The following INPP4A variants were observed in gnomAD, a reference collection of about 807,000 sequenced individuals.
INPP4A encodes inositol polyphosphate-4-phosphatase, type I, 107kD.
A neutral mutation model predicts 119.8 loss-of-function variants in INPP4A; 33 were observed. The observed-to-expected ratio is 0.28, with a 90% confidence interval of 0.21 to 0.37. The LOEUF (loss-of-function observed/expected upper bound fraction) is 0.37. INPP4A is among the 10% of genes least tolerant of loss of function. The pLI, the probability that INPP4A is intolerant of heterozygous loss-of-function variation, is 1.00. For synonymous variants in INPP4A, 496 were observed against 500.7 expected (o/e 0.99, Z 0.12); for missense variants, 956 against 1,289.9 (o/e 0.74, Z 3.97).
At chr2:98,555,941 C>T (rs528238074) in intron 16 of INPP4A, 133 bp downstream of exon 16, 31 of 1,077,974 alleles carry the variant, frequency 2.9e-5, no homozygotes, top group African/African-American at 1.7e-4. Flanking sequence ...GGAGCGGGGG[C>T]GTCCCAGTGC....
intron 1 of INPP4A, among the ~76,000 whole-genome samples, chr2:98,492,218 A>C (rs565865849): frequency 6.6e-6 from 1 of 152,246 alleles, no homozygotes; most frequent in East Asian, 1.9e-4. Flanking sequence ...TGGTCTTATG[A>C]TAGGTTTTTT....
chr2:98,537,924 T>C lies in INPP4A; in HGVS notation c.529T>C (p.Ser177Pro). The change falls in exon 8 of 25, where the codon TCA becomes CCA. Residue 177 changes from serine to proline, a missense_variant. Ser to Pro is a moderately conservative substitution (Grantham distance 74, BLOSUM62 -1). This residue lies in a region of INPP4A where 652 missense variants were observed against 797.9 expected (regional missense o/e 0.82). Coordinates refer to ENST00000409851, the MANE Select transcript of INPP4A (RefSeq NM_001134225.2). ...GATTGGCTGGCAGATGGAGGAGAAG[T>C]CAGACCAACGGCCCCCTGTGACCCG... is the stretch of plus-strand genomic sequence containing the variant. ...TVIGWQMEEK[S>P]DQRPPVTRSV... The C allele has an allele frequency of 6.2e-7, 1 of 1,613,172 alleles. No homozygotes were observed. The highest frequency in any genetic ancestry group is 2.2e-5 in the East Asian group (1 of 44,852).
intron 1 of INPP4A, among the ~76,000 whole-genome samples, chr2:98,497,344 T>A (rs971497049): frequency 6.6e-6 from 1 of 152,186 alleles, no homozygotes; most frequent in Non-Finnish European, 1.5e-5. Context: ...AAGGGAAATG[T>A]GGGGTGGGAG....
chr2:98,537,632 C>G (rs906470012), intron 7 of INPP4A, among the ~76,000 whole-genome samples: 1 of 152,174 alleles, frequency 6.6e-6, no homozygotes, highest in South Asian at 2.1e-4. Flanking sequence ...GTCCACACTT[C>G]CCTGTGGTGC....
intron 1 of INPP4A, among the ~76,000 whole-genome samples, chr2:98,459,925 A>G (rs1246092384): frequency 1.3e-5 from 2 of 152,250 alleles, no homozygotes; most frequent in Admixed American, 1.3e-4. Flanking sequence ...CTGCTGCCCC[A>G]GTAAGTTCTC....
chr2:98,552,881 T>A lies in INPP4A; in HGVS notation c.1259T>A (p.Val420Glu). ...CAGATCAACACCCTGAAAACCCAAG[T>A]GAGTTACTACGCAGAGCGGCTGTCA... ...IAQINTLKTQ[V>E]SYYAERLSRA... The change falls in exon 14 of 25, where the codon GTG becomes GAG. Residue 420 changes from valine (V) to glutamate (E), a missense_variant. Coordinates refer to ENST00000409851, the MANE Select transcript of INPP4A (RefSeq NM_001134225.2). The A allele has an allele frequency of 6.2e-7, 1 of 1,613,692 alleles. No homozygotes were observed. The highest frequency in any genetic ancestry group is 8.5e-7 in the Non-Finnish European group (1 of 1,179,788).
chr2:98,593,493 C>T lies in INPP4A; in HGVS notation c.*5885C>T, dbSNP rs898089901. 3 of 152,290 alleles carry T rather than the reference C, an allele frequency of 2.0e-5. No homozygotes were observed. Among genetic ancestry groups the T allele is most frequent in the African/African-American group, 7.2e-5 (3 of 41,446 alleles). 9.4% of individuals were successfully genotyped at this position (152,290 alleles called of 1,614,324 possible). On this transcript the variant is annotated 3_prime_UTR_variant, in exon 25 of 25. Transcript: ENST00000409851. ...GGTTCCCTTTCTCACTTAAGATGAT[C>T]TTCCTGAAAAATCTTACACATTCCT...
At chr2:98,450,101 A>G (rs1694959813) in intron 1 of INPP4A, among the ~76,000 whole-genome samples, 1 of 150,884 alleles carries the variant, frequency 6.6e-6, no homozygotes, top group Non-Finnish European at 1.5e-5. Flanking sequence ...TGCTTTTTTA[A>G]TTTTTTTTTA....
At chr2:98,584,330 A>G (rs1016996244) in intron 24 of INPP4A, among the ~76,000 whole-genome samples, 3 of 152,232 alleles carry the variant, frequency 2.0e-5, no homozygotes, top group East Asian at 1.9e-4. Context: ...CGTGGTTCCA[A>G]TGCCTGTAGT....
chr2:98,537,564 C>T (rs1690560652), intron 7 of INPP4A, among the ~76,000 whole-genome samples: 1 of 152,222 alleles, frequency 6.6e-6, no homozygotes, highest in African/African-American at 2.4e-5. Flanking sequence ...GCACTGGCAG[C>T]AGCTCAGGAA....
intron 1 of INPP4A, among the ~76,000 whole-genome samples, chr2:98,507,031 C>T (rs1038307650): frequency 2.0e-5 from 3 of 152,214 alleles, no homozygotes; most frequent in Non-Finnish European, 4.4e-5. Context: ...GTAGCCACAT[C>T]CCCCTCCTCT....
At chr2:98,456,541 G>A in intron 1 of INPP4A, among the ~76,000 whole-genome samples, 1 of 151,996 alleles carries the variant, frequency 6.6e-6, no homozygotes, top group East Asian at 1.9e-4. Flanking sequence ...GTCTTGTTGT[G>A]TTGCTCAGGC....
At chr2:98,448,105 C>A (rs1229683834) in intron 1 of INPP4A, among the ~76,000 whole-genome samples, 1 of 149,980 alleles carries the variant, frequency 6.7e-6, no homozygotes, top group African/African-American at 2.5e-5. Flanking sequence ...CCTATAATCC[C>A]AGCAATTTGG....
chr2:98,571,440 G>A (rs562969885), intron 22 of INPP4A, among the ~76,000 whole-genome samples: 1 of 152,382 alleles, frequency 6.6e-6, no homozygotes, highest in East Asian at 1.9e-4. Flanking sequence ...AGGAGTGGGA[G>A]TGGTGAGCGG....
intron 4 of INPP4A, among the ~76,000 whole-genome samples, chr2:98,529,550 C>T (rs566686353): frequency 1.3e-5 from 2 of 152,144 alleles, no homozygotes; most frequent in Admixed American, 6.5e-5. Flanking sequence ...CCTGGCTAAA[C>T]GGTGAAACCC....
intron 24 of INPP4A, among the ~76,000 whole-genome samples, chr2:98,577,550 C>A (rs1698635970): frequency 6.6e-6 from 1 of 152,256 alleles, no homozygotes; most frequent in Non-Finnish European, 1.5e-5. Flanking sequence ...ATATTGATAT[C>A]TGTACATTTC....
rs939021043 is a variant in INPP4A, at chr2:98,570,975, G to A, written c.2519-1840G>A. Among the ~76,000 whole-genome samples, 1 of 152,084 alleles carries A rather than the reference G, an allele frequency of 6.6e-6. No individual in the cohort carries two copies. The highest frequency in any genetic ancestry group is 1.5e-5 in the Non-Finnish European group (1 of 67,990). On this transcript the variant is annotated intron_variant, in intron 22 of 24. Coordinates refer to ENST00000409851, the MANE Select transcript of INPP4A (RefSeq NM_001134225.2). This position sits in a 1 kb window ranked among gnomAD's most constrained non-coding sequence, Gnocchi z 4.3. ...GTGGTGGGCAGGACCTGGGCATTAG[G>A]GTTTCAGAAACTCCCCAGGTGGTCC...
intron 1 of INPP4A, among the ~76,000 whole-genome samples, chr2:98,490,444 C>A (rs545432620): frequency 9.1e-4 from 139 of 152,080 alleles, no homozygotes; most frequent in Middle Eastern, 6.8e-3. Flanking sequence ...GAGCTGTGTC[C>A]ATCCCTCAGC....
chr2:98,547,117 C>T (rs981384382), intron 13 of INPP4A, among the ~76,000 whole-genome samples: 1 of 152,216 alleles, frequency 6.6e-6, no homozygotes, highest in Non-Finnish European at 1.5e-5. Context: ...TACAGAGCTA[C>T]TGTCCTGAGC....
Sources: gnomAD v4.1 joint callset for allele counts (sites outside exome capture counted in the v4.1 genomes callset) on GRCh38, gnomAD v4.1.1 for gene constraint, gnomAD v4.1.1 regional missense constraint, Gnocchi (gnomAD v3.1) non-coding constraint, MANE v1.5 for transcripts, NCBI Gene and HGNC (gene_info 2026-07-23, HGNC 2026-07-21) for gene names.